Variants in ABCC5 observed in about 807,000 individuals in gnomAD.
ABCC5 encodes ATP binding cassette subfamily C member 5, also known as ATP-binding cassette sub-family C member 5.
A neutral mutation model predicts 160.9 loss-of-function variants in ABCC5; 61 were observed. That is an observed-to-expected ratio of 0.38 (90% CI 0.31 to 0.47). The LOEUF is 0.47. ABCC5 is among the 20% of genes least tolerant of loss of function. ABCC5 has a pLI of 0.99. For missense variants in ABCC5, 1,308 were observed against 1,813.3 expected (o/e 0.72, Z 5.06); for synonymous variants, 666 against 700.6 (o/e 0.95, Z 0.78).
Position 183,987,902 on chromosome 3 carries a change from C to T in ABCC5, c.459G>A (p.Trp153Ter). Residue 153 changes from tryptophan to a stop codon, truncating the protein, a stop_gained, in exon 5 of 30, where the codon TGG (tryptophan) becomes TGA (stop). Coordinates refer to ENST00000334444, the MANE Select transcript of ABCC5 (RefSeq NM_005688.4). LOFTEE classifies it high-confidence loss of function. The surrounding 1 kb of genome is among the most constrained non-coding windows in gnomAD (Gnocchi z 4.2). ...DVNCRRLERL[W>*]QEELNEVGPD... ...GCCCAACTTCATTCAGCTCTTCTTGCCACAGTCTCTCTAGTCTTAACAAGG... is the reference window on the plus strand; with the variant it reads ...GCCCAACTTCATTCAGCTCTTCTTGTCACAGTCTCTCTAGTCTTAACAAGG... 1.9e-6 allele frequency: 3 copies of T among 1,614,120 alleles called. No individual in the cohort carries two copies. Among genetic ancestry groups the T allele is most frequent in the Non-Finnish European group, 2.5e-6 (3 of 1,180,030 alleles).
chr3:183,984,963 A>G lies in ABCC5; in HGVS notation c.592-1956T>C. ...TACCTTTAGAGTGCCATTTTTCAGC[A>G]CTGGGTAATAGCATCAGCGCCTCCC... On this transcript the variant is annotated intron_variant, in intron 5 of 29. Coordinates refer to ENST00000334444, the MANE Select transcript of ABCC5 (RefSeq NM_005688.4). 5 of 1,342,184 alleles carry G rather than the reference A, an allele frequency of 3.7e-6. No homozygotes were observed. In the South Asian group the frequency reaches 6.2e-5, roughly 17 times the overall value. 83.1% of individuals were successfully genotyped at this position (1,342,184 alleles called of 1,614,324 possible). A position where few individuals can be genotyped will look rare whatever the true frequency, so the allele number is the denominator to read the frequency against.
At chr3:183,925,458 T>G (rs1258782230) in intron 29 of ABCC5, 97 bp downstream of exon 29, 1 of 1,290,620 alleles carries the variant, frequency 7.7e-7, no homozygotes, top group Non-Finnish European at 1.1e-6. Context: ...CTTATCTGAA[T>G]GCCCAGAACC....
chr3:183,971,826 C>A lies in ABCC5; in HGVS notation c.1498G>T (p.Asp500Tyr). The change falls in exon 11 of 30, where the codon GAC becomes TAC. Residue 500 changes from aspartate to tyrosine, a missense_variant. Transcript: ENST00000334444. The stretch of plus-strand genomic sequence containing the variant: ...TTCTGGATACTGGAGTGGGAGGAGT[C>A]CCATGCCAAGGTGGCATTTTTCATC... ...IEMKNATLAW[D>Y]SSHSSIQNSP... is the part of the protein sequence containing the mutation. 1 of 1,614,104 alleles carries A rather than the reference C, an allele frequency of 6.2e-7. No homozygotes were observed. Among genetic ancestry groups the A allele is most frequent in the Non-Finnish European group, 8.5e-7 (1 of 1,180,024 alleles).
intron 2 of ABCC5, among the ~76,000 whole-genome samples, chr3:183,993,124 A>T (rs1719926056): frequency 6.6e-6 from 1 of 152,214 alleles, no homozygotes; most frequent in Non-Finnish European, 1.5e-5. Flanking sequence ...ATTGATTGCA[A>T]ATCTTCATCT....
intron 12 of ABCC5, 95 bp from the exon 13 acceptor site, chr3:183,965,596 G>A: frequency 6.6e-7 from 1 of 1,520,994 alleles, no homozygotes. Flanking sequence ...TCTAGCTCTG[G>A]TAATTTCCCG....
At chr3:183,950,690 T>C (rs1489230233) in intron 20 of ABCC5, among the ~76,000 whole-genome samples, 20 of 152,228 alleles carry the variant, frequency 1.3e-4, no homozygotes, top group Admixed American at 1.2e-3. Context: ...TGTGAGCACA[T>C]GCGTGTGTGT....
At chr3:183,929,904 C>G (rs1713009806) in intron 26 of ABCC5, among the ~76,000 whole-genome samples, 1 of 152,162 alleles carries the variant, frequency 6.6e-6, no homozygotes. Flanking sequence ...AGGCATGAGC[C>G]ACTGTGCCCG....
Position 183,951,610 on chromosome 3 carries a change from G to T in ABCC5, c.2815-40C>A. 1 of 1,605,716 alleles carries T rather than the reference G, an allele frequency of 6.2e-7. No homozygotes were observed. The highest frequency in any genetic ancestry group is 8.5e-7 in the Non-Finnish European group (1 of 1,176,220). ...ACAGAGTGGTCAGGGCCCAGGGACG[G>T]CTCTGTTCCTACTGGTCCAGAGAAC... On this transcript the variant is annotated intron_variant, in intron 19 of 29. Transcript: ENST00000334444. The surrounding 1 kb of genome is among the most constrained non-coding windows in gnomAD (Gnocchi z 4.7).
At chr3:183,934,383 G>A (rs1424475297) in intron 26 of ABCC5, among the ~76,000 whole-genome samples, 2 of 152,210 alleles carry the variant, frequency 1.3e-5, no homozygotes, top group Non-Finnish European at 2.9e-5. Flanking sequence ...TAAAAGACAA[G>A]TCCAGCATTT....
intron 5 of ABCC5, chr3:183,984,033 C>T: frequency 8.1e-6 from 8 of 985,310 alleles, no homozygotes; most frequent in Non-Finnish European, 9.6e-6. Context: ...CCTGAGGTTG[C>T]AATGATTCTG....
rs368272063 is a variant in ABCC5, at chr3:183,951,493, G to A, written c.2892C>T (p.Asp964=). 30 of 1,614,088 alleles carry A rather than the reference G, an allele frequency of 1.9e-5. No individual in the cohort carries two copies. Among genetic ancestry groups the A allele is most frequent in the Non-Finnish European group, 2.4e-5 (28 of 1,180,048 alleles). ...RILRSPMKFF[D]TTPTGRILNR... is the part of the protein sequence containing the mutation. ...TGAGAATCCTCCCTGTGGGGGTCGT[G>A]TCAAAAAACTTCATAGGGCTTCGAA... Residue 964 remains aspartate, a synonymous_variant, in exon 20 of 30, where the codon GAC becomes GAT. Transcript: ENST00000334444. The surrounding 1 kb of genome is among the most constrained non-coding windows in gnomAD (Gnocchi z 4.7).
intron 5 of ABCC5, chr3:183,985,339 T>A: frequency 6.2e-7 from 1 of 1,614,002 alleles, no homozygotes. Context: ...CCAGCTTGAC[T>A]CTCTCATTCT....
chr3:183,949,940 G>A lies in ABCC5; in HGVS notation c.3098+32C>T. 1 of 1,613,966 alleles carries A rather than the reference G, an allele frequency of 6.2e-7. No individual in the cohort carries two copies. Among genetic ancestry groups the A allele is most frequent in the African/African-American group, 1.3e-5 (1 of 75,028 alleles). On this transcript the variant is annotated intron_variant, in intron 21 of 29. Coordinates refer to ENST00000334444, the MANE Select transcript of ABCC5 (RefSeq NM_005688.4). This position sits in a 1 kb window ranked among gnomAD's most constrained non-coding sequence, Gnocchi z 4.2. ...TACCCAGCAACTGAGGCTTCTCCGTGGCCCCAGCAGACATGAACGCTTCCT... is the reference window on the plus strand; with the variant it reads ...TACCCAGCAACTGAGGCTTCTCCGTAGCCCCAGCAGACATGAACGCTTCCT...
rs1370262330 is a variant in ABCC5 at position 183,921,359 on chromosome 3, T to C, written c.4255A>G (p.Ser1419Gly). 1 of 1,613,404 alleles carries C rather than the reference T, an allele frequency of 6.2e-7. No homozygotes were observed. The highest frequency in any genetic ancestry group is 1.7e-5 in the Admixed American group (1 of 59,894). ...DTPSVLLSND[S>G]SRFYAMFAAA... is the part of the protein sequence containing the mutation. ...GCAAACATGGCATAGAATCGGGAAC[T>C]GTCGTTGGACAGAAGGACCGATGGG... Residue 1419 changes from serine (S) to glycine (G), a missense_variant, in exon 30 of 30, where the codon AGT becomes GGT. Physicochemically the swap from Ser to Gly is moderately conservative, Grantham distance 56 (BLOSUM62 0). Coordinates refer to ENST00000334444, the MANE Select transcript of ABCC5 (RefSeq NM_005688.4). This position sits in a 1 kb window ranked among gnomAD's most constrained non-coding sequence, Gnocchi z 4.1.
intron 10 of ABCC5, among the ~76,000 whole-genome samples, chr3:183,974,739 T>C (rs1718068910): frequency 6.6e-6 from 1 of 152,264 alleles, no homozygotes; most frequent in Non-Finnish European, 1.5e-5. Flanking sequence ...TGACAATCAG[T>C]GCAGCTTCAC....
intron 14 of ABCC5, among the ~76,000 whole-genome samples, chr3:183,964,907 T>C (rs2271936): frequency 0.23 from 35,021 of 152,224 alleles, 4,985 homozygotes; most frequent in Middle Eastern, 0.33. Flanking sequence ...TACTTGTAGT[T>C]TTAAAAATAT....
rs1560036302 is a variant in ABCC5 at position 183,987,300 on chromosome 3, C to G, written c.591+470G>C. ...ACTTAAACGGACTCCAGGTCAGACT[C>G]TAAAATCCTCGACAGTCCTCTAGTT... On this transcript the variant is annotated intron_variant, in intron 5 of 29. Transcript: ENST00000334444. This position sits in a 1 kb window ranked among gnomAD's most constrained non-coding sequence, Gnocchi z 4.2. 2 of 273,672 alleles carry G rather than the reference C, an allele frequency of 7.3e-6. No individual in the cohort carries two copies. Among genetic ancestry groups the G allele is most frequent in the Admixed American group, 4.9e-5 (1 of 20,612 alleles). The allele number at this position is 273,672 out of a possible 1,614,324, so 17.0% of individuals were successfully genotyped here. A position where few individuals can be genotyped will look rare whatever the true frequency, so the allele number is the denominator to read the frequency against.
At chr3:183,994,031 T>C (rs1416744416) in intron 2 of ABCC5, among the ~76,000 whole-genome samples, 1 of 151,220 alleles carries the variant, frequency 6.6e-6, no homozygotes, top group African/African-American at 2.4e-5. Flanking sequence ...TGGCGCAATC[T>C]TGGCTCACTG....
chr3:183,997,198 C>T (rs1424614428), intron 2 of ABCC5, among the ~76,000 whole-genome samples: 1 of 152,122 alleles, frequency 6.6e-6, no homozygotes, highest in African/African-American at 2.4e-5. Flanking sequence ...TGAAGATCTC[C>T]ACAGGCAGAA....
Sources: gnomAD v4.1 joint callset for allele counts (sites outside exome capture counted in the v4.1 genomes callset) on GRCh38, gnomAD v4.1.1 for gene constraint, Gnocchi (gnomAD v3.1) non-coding constraint, MANE v1.5 for transcripts, NCBI Gene and HGNC (gene_info 2026-07-23, HGNC 2026-07-21) for gene names.